Variants in ZC3H14 observed in about 807,000 individuals in gnomAD.
The protein encoded by ZC3H14 is zinc finger CCCH domain-containing protein 14.
ZC3H14 carries 31 observed loss-of-function variants against 92.4 expected under a neutral mutation model. That is an observed-to-expected ratio of 0.34 (90% CI 0.25 to 0.45). The LOEUF is 0.45. ZC3H14 is among the 20% of genes least tolerant of loss of function. The probability of loss-of-function intolerance (pLI) is 1.00; values close to 1 mark genes in which losing one functional copy is unlikely to be tolerated. For missense variants in ZC3H14, 781 were observed against 897.3 expected (o/e 0.87, Z 1.66); for synonymous variants, 321 against 300.9 (o/e 1.07, Z -0.69).
chr14:88,610,890 C>T lies in ZC3H14; in HGVS notation c.2154C>T (p.Thr718=). The T allele has an allele frequency of 1.2e-6, 2 of 1,614,180 alleles. No homozygotes were observed. The highest frequency in any genetic ancestry group is 2.2e-5 in the East Asian group (1 of 44,878). ...TRPDCTFYHP[T]INVPPRHALK... ...CGGACTGCACATTCTACCATCCCAC[C>T]ATTAATGTCCCACCACGACATGCCT... Residue 718 remains threonine (T), a synonymous_variant, in exon 16 of 17, where the codon ACC becomes ACT. Coordinates refer to ENST00000251038, the MANE Select transcript of ZC3H14 (RefSeq NM_024824.5).
intron 11 of ZC3H14, 53 bp downstream of exon 11, chr14:88,602,136 G>T: frequency 6.2e-7 from 1 of 1,610,446 alleles, no homozygotes; most frequent in Non-Finnish European, 8.5e-7. Context: ...GATAGTAAAG[G>T]TTAACCATTC....
intron 9 of ZC3H14, among the ~76,000 whole-genome samples, chr14:88,587,366 A>G (rs2139840988): frequency 6.6e-6 from 1 of 152,090 alleles, no homozygotes; most frequent in Admixed American, 6.5e-5. Flanking sequence ...GGGTCTCACC[A>G]TCATGCCCAG....
In ZC3H14 at chr14:88,616,864, C is replaced by G; in HGVS notation, c.*5113C>G. 6.2e-7 allele frequency: 1 copy of G among 1,613,790 alleles called. No homozygotes were observed. The highest frequency in any genetic ancestry group is 8.5e-7 in the Non-Finnish European group (1 of 1,179,782). On this transcript the variant is annotated 3_prime_UTR_variant, in exon 17 of 17. Transcript: ENST00000251038. Reference sequence around the variant, plus strand: ...CATGTCTGGACCAGATTCCCAAAACCTCATCTCCTAGAATACTAGAGGGAA... The same window carrying G: ...CATGTCTGGACCAGATTCCCAAAACGTCATCTCCTAGAATACTAGAGGGAA...
At position 88,622,355 on chromosome 14, in the gene ZC3H14, T is replaced by C. The variant is rs1166304919; in HGVS notation, c.*10604T>C. The C allele has an allele frequency of 5.8e-6, 2 of 342,796 alleles. No homozygotes were observed. Among genetic ancestry groups the C allele is most frequent in the African/African-American group, 2.1e-5 (1 of 47,510 alleles). 21.2% of individuals were successfully genotyped at this position (342,796 alleles called of 1,614,324 possible). ...TTTCAATTATGTCTACTAGAGTTGT[T>C]AAATTGGCAGATTCTAGAAAATATT... is the stretch of plus-strand genomic sequence containing the variant. On this transcript the variant is annotated 3_prime_UTR_variant, in exon 17 of 17. Coordinates refer to ENST00000251038, the MANE Select transcript of ZC3H14 (RefSeq NM_024824.5).
chr14:88,589,568 C>A (rs1016001177), intron 9 of ZC3H14: 1 of 152,192 alleles, frequency 6.6e-6, no homozygotes, highest in Non-Finnish European at 1.5e-5. Context: ...TGTAATAAAT[C>A]ATTTCAAACT....
At position 88,602,976 on chromosome 14, in the gene ZC3H14, A is replaced by G; in HGVS notation, c.1663A>G (p.Lys555Glu). ...KPVNQTAASN[K>E]GLRGLLHPQQ... ...CGTAAACCAAACTGCAGCCTCAAAC[A>G]AGGGACTCAGAGGTCTCCTCCACCC... is the stretch of plus-strand genomic sequence containing the variant. Residue 555 changes from lysine to glutamate, a missense_variant, in exon 12 of 17, where the codon AAG becomes GAG. Around this residue, in one of 3 missense-constraint regions of ZC3H14, gnomAD observed 221 missense variants for 304.7 expected, o/e 0.73. Coordinates refer to ENST00000251038, the MANE Select transcript of ZC3H14 (RefSeq NM_024824.5). 1 of 1,614,170 alleles carries G rather than the reference A, an allele frequency of 6.2e-7. No homozygotes were observed. Among genetic ancestry groups the G allele is most frequent in the Non-Finnish European group, 8.5e-7 (1 of 1,180,032 alleles).
chr14:88,587,599 G>GAC (rs2082613423), intron 9 of ZC3H14, among the ~76,000 whole-genome samples: 1 of 152,042 alleles, frequency 6.6e-6, no homozygotes, highest in African/African-American at 2.4e-5. Context: ...CTTTAGTTAA[G>GAC]ACTTAGTCGA....
At chr14:88,574,601 T>C (rs2080921894) in intron 6 of ZC3H14, 92 bp from the exon 7 acceptor site, 2 of 1,440,776 alleles carry the variant, frequency 1.4e-6, no homozygotes, top group Admixed American at 3.4e-5. Flanking sequence ...CATATTACTG[T>C]GTACTGTTTT....
intron 9 of ZC3H14, among the ~76,000 whole-genome samples, chr14:88,579,834 A>G (rs886883785): frequency 1.3e-5 from 2 of 152,230 alleles, no homozygotes; most frequent in Non-Finnish European, 1.5e-5. Flanking sequence ...GCTGAAAGGT[A>G]TACCAAAAAG....
intron 11 of ZC3H14, 23 bp downstream of exon 11, chr14:88,602,106 G>A (rs748854114): frequency 2.4e-5 from 38 of 1,613,042 alleles, no homozygotes; most frequent in Non-Finnish European, 3.1e-5. Flanking sequence ...TTTTTCTTGT[G>A]TAGTTAATTT....
At chr14:88,597,743 G>A (rs761314768) in intron 10 of ZC3H14, among the ~76,000 whole-genome samples, 4 of 152,282 alleles carry the variant, frequency 2.6e-5, no homozygotes, top group South Asian at 2.1e-4. Context: ...CCAGCAGTCC[G>A]TCCTGCTTCC....
intron 3 of ZC3H14, among the ~76,000 whole-genome samples, chr14:88,568,917 C>G (rs2080040543): frequency 6.6e-6 from 1 of 152,032 alleles, no homozygotes; most frequent in Non-Finnish European, 1.5e-5. Context: ...GGGTCTTGCT[C>G]TGTCACCAGG....
rs776760856 is a variant in ZC3H14, at chr14:88,602,022, G to C, written c.1453G>C (p.Glu485Gln). 2.6e-5 allele frequency: 42 copies of C among 1,614,054 alleles called. No individual in the cohort carries two copies. Among genetic ancestry groups the C allele is most frequent in the Non-Finnish European group, 3.6e-5 (42 of 1,180,024 alleles). The change falls in exon 11 of 17, where the codon GAG (glutamate) becomes CAG (glutamine). Residue 485 changes from glutamate to glutamine, a missense_variant. By Grantham distance (29) the Glu-to-Gln change is conservative (BLOSUM62 2). This residue lies in a region of ZC3H14 where 454 missense variants were observed against 438.5 expected (regional missense o/e 1.04). Coordinates refer to ENST00000251038, the MANE Select transcript of ZC3H14 (RefSeq NM_024824.5). ...GGAAGTAGTAGTGGCACCAAACCAA[G>C]AGTCGGGGATGAAGACTGCAGATTC... The part of the protein sequence containing the change: ...SEEVVVAPNQ[E>Q]SGMKTADSLR...
At chr14:88,594,991 A>G (rs892950025) in intron 9 of ZC3H14, 1 of 1,613,960 alleles carries the variant, frequency 6.2e-7, no homozygotes, top group African/African-American at 1.3e-5. Flanking sequence ...GGTTAAAATG[A>G]ATGAATATTC....
chr14:88,567,142 G>A (rs1416036052), intron 2 of ZC3H14, among the ~76,000 whole-genome samples: 1 of 131,996 alleles, frequency 7.6e-6, no homozygotes, highest in African/African-American at 2.8e-5. Flanking sequence ...TTGAGACAGA[G>A]TCTTGCTCTG....
chr14:88,591,431 C>G (rs1467439257), intron 9 of ZC3H14: 1 of 152,098 alleles, frequency 6.6e-6, no homozygotes, highest in Non-Finnish European at 1.5e-5. Context: ...GGGTGAGACT[C>G]CATCTCGGAA....
At position 88,617,697 on chromosome 14, in the gene ZC3H14, G is replaced by C. The variant is rs1000089220; in HGVS notation, c.*5946G>C. On this transcript the variant is annotated 3_prime_UTR_variant, in exon 17 of 17. Coordinates refer to ENST00000251038, the MANE Select transcript of ZC3H14 (RefSeq NM_024824.5). ...CCCAGGCTGGTATCAAAACTTCTAGGCTCAAGTGATCCTCCCACCTCGGCC... is the reference window on the plus strand; with the variant it reads ...CCCAGGCTGGTATCAAAACTTCTAGCCTCAAGTGATCCTCCCACCTCGGCC... 1 of 152,258 alleles carries C rather than the reference G, an allele frequency of 6.6e-6. No homozygotes were observed. The highest frequency in any genetic ancestry group is 2.4e-5 in the African/African-American group (1 of 41,410). 9.4% of individuals were successfully genotyped at this position (152,258 alleles called of 1,614,324 possible). A position where few individuals can be genotyped will look rare whatever the true frequency, so the allele number is the denominator to read the frequency against.
chr14:88,573,418 A>C (rs550876608), intron 6 of ZC3H14, among the ~76,000 whole-genome samples: 1 of 152,126 alleles, frequency 6.6e-6, no homozygotes, highest in African/African-American at 2.4e-5. Flanking sequence ...AAAAACACAT[A>C]TTCCAAATTT....
At position 88,572,183 on chromosome 14, in the gene ZC3H14, G is replaced by C; in HGVS notation, c.389G>C (p.Arg130Thr). The C allele has an allele frequency of 6.2e-7, 1 of 1,614,108 alleles. No homozygotes were observed. The highest frequency in any genetic ancestry group is 8.5e-7 in the Non-Finnish European group (1 of 1,180,026). Residue 130 changes from arginine to threonine, a missense_variant, in exon 5 of 17, where the codon AGA (arginine) becomes ACA (threonine). Around this residue, in one of 3 missense-constraint regions of ZC3H14, gnomAD observed 454 missense variants for 438.5 expected, o/e 1.04. Coordinates refer to ENST00000251038, the MANE Select transcript of ZC3H14 (RefSeq NM_024824.5). ...PSARPEKRDS[R>T]VSTSSQESKT... ...GCGAGACCTGAAAAAAGAGATTCCA[G>C]AGTTTCTACAAGTTCGCAGGAGTCA... is the stretch of plus-strand genomic sequence containing the variant.
Sources: allele counts gnomAD v4.1 joint callset (sites outside exome capture counted in the v4.1 genomes callset), GRCh38; gene constraint gnomAD v4.1.1; regional missense constraint gnomAD v4.1.1; transcripts MANE v1.5; gene names NCBI Gene and HGNC (gene_info 2026-07-23, HGNC 2026-07-21).